The following SHISA9 variants were observed in gnomAD, a reference collection of about 807,000 sequenced individuals.
SHISA9 encodes the protein shisa family member 9.
In SHISA9, 13 loss-of-function variants were observed where a neutral mutation model predicts 38.0. The observed-to-expected ratio is 0.34, with a 90% confidence interval of 0.22 to 0.54. SHISA9 has a LOEUF of 0.54. SHISA9 is among the 20% of genes least tolerant of loss of function. The probability of loss-of-function intolerance (pLI) is 0.91; values close to 1 mark genes in which losing one functional copy is unlikely to be tolerated. For missense variants in SHISA9, 538 were observed against 575.8 expected, an observed-to-expected ratio of 0.93 and a Z score of 0.67; for synonymous variants, 275 against 242.0, an observed-to-expected ratio of 1.14 and a Z score of -1.27.
chr16:13,071,358 C>T (rs1313300610), intron 2 of SHISA9, among the ~76,000 whole-genome samples: 1 of 152,110 alleles, frequency 6.6e-6, no homozygotes, highest in Non-Finnish European at 1.5e-5. Context: ...CTGATGAGGG[C>T]TTAAACATGG....
At chr16:13,027,095 G>T (rs1023114152) in intron 2 of SHISA9, among the ~76,000 whole-genome samples, 1 of 152,100 alleles carries the variant, frequency 6.6e-6, no homozygotes, top group Non-Finnish European at 1.5e-5. Flanking sequence ...ACTGAACAAC[G>T]AAAACTTTGG....
chr16:13,376,350 AC>A, the SHISA9 span, among the ~76,000 whole-genome samples: 1 of 152,222 alleles, frequency 6.6e-6, no homozygotes, highest in Admixed American at 6.5e-5. Flanking sequence ...CTGGAGCCTG[AC>A]TGATTCTCTG....
At chr16:12,959,417 A>G (rs1303237159) in intron 2 of SHISA9, among the ~76,000 whole-genome samples, 1 of 152,198 alleles carries the variant, frequency 6.6e-6, no homozygotes, top group Non-Finnish European at 1.5e-5. Context: ...AGGAAAAGCT[A>G]GGGAAGGCTA....
At chr16:12,903,470 A>C (rs2071049414) in intron 1 of SHISA9, among the ~76,000 whole-genome samples, 1 of 152,084 alleles carries the variant, frequency 6.6e-6, no homozygotes. Context: ...AGCAGATGGG[A>C]GAAGGCTTTG....
chr16:13,122,710 T>C (rs932567247), intron 2 of SHISA9, among the ~76,000 whole-genome samples: 2 of 152,226 alleles, frequency 1.3e-5, no homozygotes, highest in Admixed American at 1.3e-4. Context: ...GTATGTTTTC[T>C]TTTTTCATAC....
intron 2 of SHISA9, among the ~76,000 whole-genome samples, chr16:12,968,277 G>A (rs1329279523): frequency 6.8e-6 from 1 of 148,116 alleles, no homozygotes; most frequent in Non-Finnish European, 1.5e-5. Context: ...ACAGTCTCAA[G>A]GCTGGGACAC....
the SHISA9 span, among the ~76,000 whole-genome samples, chr16:13,561,286 T>TGAGA: frequency 6.6e-6 from 1 of 152,210 alleles, no homozygotes; most frequent in Non-Finnish European, 1.5e-5. Flanking sequence ...TGACTGTCTT[T>TGAGA]GAGAGAATCA....
chr16:13,551,208 G>A, the SHISA9 span, among the ~76,000 whole-genome samples: 16 of 151,322 alleles, frequency 1.1e-4, no homozygotes, highest in East Asian at 1.9e-4. Flanking sequence ...AGACACACAC[G>A]TACACACATA....
At chr16:12,962,102 C>T (rs1304287387) in intron 2 of SHISA9, among the ~76,000 whole-genome samples, 1 of 152,250 alleles carries the variant, frequency 6.6e-6, no homozygotes, top group Non-Finnish European at 1.5e-5. Flanking sequence ...ACTGGCCTGG[C>T]TTACTCCAGT....
At chr16:12,923,985 T>A (rs573038747) in intron 2 of SHISA9, among the ~76,000 whole-genome samples, 2 of 152,232 alleles carry the variant, frequency 1.3e-5, no homozygotes, top group Non-Finnish European at 2.9e-5. Context: ...GGGGTAGGGA[T>A]CAGGACCATC....
intron 2 of SHISA9, among the ~76,000 whole-genome samples, chr16:12,949,325 A>G (rs1349958636): frequency 6.6e-6 from 1 of 152,194 alleles, no homozygotes; most frequent in Non-Finnish European, 1.5e-5. Context: ...CGTGAACTGC[A>G]CCACAGTCAG....
At chr16:13,405,448 C>T in the SHISA9 span, among the ~76,000 whole-genome samples, 109 of 152,296 alleles carry the variant, frequency 7.2e-4, no homozygotes, top group African/African-American at 2.3e-3. Flanking sequence ...GAAGGAACCC[C>T]AGAACTGGAA....
intron 2 of SHISA9, among the ~76,000 whole-genome samples, chr16:12,944,816 A>G (rs1248582746): frequency 6.6e-6 from 1 of 152,064 alleles, no homozygotes; most frequent in Non-Finnish European, 1.5e-5. Flanking sequence ...TGACTTTCCT[A>G]CAAGCAGATG....
the SHISA9 span, among the ~76,000 whole-genome samples, chr16:13,395,632 A>G: frequency 6.6e-6 from 1 of 152,170 alleles, no homozygotes; most frequent in African/African-American, 2.4e-5. Context: ...ATTATACTTT[A>G]ATGTTCTGTC....
the SHISA9 span, among the ~76,000 whole-genome samples, chr16:13,368,511 G>T: frequency 1.3e-5 from 2 of 152,226 alleles, no homozygotes; most frequent in South Asian, 2.1e-4. Context: ...GCGTTAGGGG[G>T]TTTTGTAGGA....
chr16:13,367,943 A>G, the SHISA9 span, among the ~76,000 whole-genome samples: 7 of 152,026 alleles, frequency 4.6e-5, no homozygotes, highest in Admixed American at 3.9e-4. Flanking sequence ...TTTAGGGTAC[A>G]TGTGCACAAT....
chr16:13,155,477 T>C (rs1025503361), intron 2 of SHISA9, among the ~76,000 whole-genome samples: 1 of 152,344 alleles, frequency 6.6e-6, no homozygotes, highest in Non-Finnish European at 1.5e-5. Flanking sequence ...GAAAATGATG[T>C]TGACTAGATG....
downstream of SHISA9, among the ~76,000 whole-genome samples, chr16:13,244,560 C>T (rs1401417104): frequency 6.6e-6 from 1 of 152,144 alleles, no homozygotes; most frequent in Non-Finnish European, 1.5e-5. Context: ...TGTATACATA[C>T]ATACATAAAA....
Position 13,084,581 on chromosome 16 carries a change from G to A in SHISA9, c.692-118813G>A, listed in dbSNP as rs114450935. Among the ~76,000 whole-genome samples, 1,248 of 152,278 alleles carry A rather than the reference G, an allele frequency of 8.2e-3. 15 individuals are homozygous for A. The highest frequency in any genetic ancestry group is 0.027 in the African/African-American group (1,121 of 41,544). Reference sequence around the variant, plus strand: ...ACACTCCAGACAGGTTCCTCTTTCTGGAGTTACAGTCCAGTGGGAAAGGCA... The same window carrying A: ...ACACTCCAGACAGGTTCCTCTTTCTAGAGTTACAGTCCAGTGGGAAAGGCA... On this transcript the variant is annotated intron_variant, in intron 2 of 4. Transcript: ENST00000558583.
Sources: gnomAD v4.1 joint callset for allele counts (sites outside exome capture counted in the v4.1 genomes callset) on GRCh38, gnomAD v4.1.1 for gene constraint, MANE v1.5 for transcripts, NCBI Gene and HGNC (gene_info 2026-07-23, HGNC 2026-07-21) for gene names.